The following HLA-DQA2 variants were observed in gnomAD, a reference collection of about 807,000 sequenced individuals.
HLA-DQA2 encodes the protein HLA class II histocompatibility antigen, DQ alpha 2 chain.
A neutral mutation model predicts 21.0 loss-of-function variants in HLA-DQA2; 17 were observed. That is an observed-to-expected ratio of 0.81 (90% confidence interval 0.56 to 1.22). HLA-DQA2 has a LOEUF of 1.22. Among genes scored for constraint, HLA-DQA2 ranks in the 50% most tolerant of loss-of-function variants. The pLI is 0.00. For missense variants in HLA-DQA2, 239 were observed against 308.8 expected (o/e 0.77, Z 1.69); for synonymous variants, 81 against 116.5 (o/e 0.70, Z 1.96).
chr6:32,745,402 C>T lies in HLA-DQA2; in HGVS notation c.326C>T (p.Thr109Ile), dbSNP rs1763503171. 1.2e-6 allele frequency: 2 copies of T among 1,611,366 alleles called. No individual in the cohort carries two copies. Among genetic ancestry groups the T allele is most frequent in the Admixed American group, 3.4e-5 (2 of 59,646 alleles). The change falls in exon 2 of 5, where the codon ACC (threonine) becomes ATC (isoleucine). Residue 109 changes from threonine (T) to isoleucine (I), a missense_variant. Transcript: ENST00000374940. The part of the protein sequence containing the change: ...MMRQSNSTAA[T>I]NEVPEVTVFS... ...AGACAGTCCAACTCTACCGCTGCCA[C>T]CAATGGTACGTGTCCACCATTCCGC... is the stretch of plus-strand genomic sequence containing the variant.
In HLA-DQA2 at chr6:32,746,926, G is replaced by T; in HGVS notation, c.*365G>T. 1 of 330,598 alleles carries T rather than the reference G, an allele frequency of 3.0e-6. No homozygotes were observed. The highest frequency in any genetic ancestry group is 6.0e-6 in the Non-Finnish European group (1 of 167,622). 20.5% of individuals were successfully genotyped at this position (330,598 alleles called of 1,614,324 possible). A position where few individuals can be genotyped will look rare whatever the true frequency, so the allele number is the denominator to read the frequency against. ...GAATTTTTCCCATCTTTCATCTCAG[G>T]GCTGACTGAGAGCATAACTTAGAAT... On this transcript the variant is annotated 3_prime_UTR_variant, in exon 5 of 5. Transcript: ENST00000374940.
chr6:32,747,035 A>G lies in HLA-DQA2; in HGVS notation c.*474A>G, dbSNP rs1763648372. 3 of 204,274 alleles carry G rather than the reference A, an allele frequency of 1.5e-5. No homozygotes were observed. Among genetic ancestry groups the G allele is most frequent in the African/African-American group, 7.0e-5 (3 of 42,774 alleles). 12.7% of individuals were successfully genotyped at this position (204,274 alleles called of 1,614,324 possible). ...CAGTAACACAGGAGCAACCAAGTACAGTGTATCCTGATAATTTGTTGATTT... is the reference window on the plus strand; with the variant it reads ...CAGTAACACAGGAGCAACCAAGTACGGTGTATCCTGATAATTTGTTGATTT... On this transcript the variant is annotated 3_prime_UTR_variant, in exon 5 of 5. Transcript: ENST00000374940.
intron 1 of HLA-DQA2, among the ~76,000 whole-genome samples, chr6:32,742,154 G>C (rs1428469026): frequency 2.0e-5 from 3 of 152,150 alleles, no homozygotes; most frequent in African/African-American, 7.2e-5. Flanking sequence ...AATAAAATGG[G>C]CATGTAGATA....
At position 32,745,384 on chromosome 6, in the gene HLA-DQA2, C is replaced by A. The variant is rs1294410134; in HGVS notation, c.308C>A (p.Ser103Tyr). 1 of 1,610,820 alleles carries A rather than the reference C, an allele frequency of 6.2e-7. No individual in the cohort carries two copies. The highest frequency in any genetic ancestry group is 8.5e-7 in the Non-Finnish European group (1 of 1,178,622). ...ACCTTGGAATTCATGATGAGACAGT[C>A]CAACTCTACCGCTGCCACCAATGGT... ...KHTLEFMMRQ[S>Y]NSTAATNEVP... Residue 103 changes from serine to tyrosine, a missense_variant, in exon 2 of 5, where the codon TCC becomes TAC. Coordinates refer to ENST00000374940, the MANE Select transcript of HLA-DQA2 (RefSeq NM_020056.5).
At chr6:32,746,103 T>C (rs1285900449) in intron 3 of HLA-DQA2, 31 bp downstream of exon 3, 1 of 1,612,364 alleles carries the variant, frequency 6.2e-7, no homozygotes, top group Non-Finnish European at 8.5e-7. Flanking sequence ...TTCATGGGTT[T>C]CTAATAATAG....
At position 32,745,370 on chromosome 6, in the gene HLA-DQA2, C is replaced by T; in HGVS notation, c.294C>T (p.Phe98=). 1 of 1,595,308 alleles carries T rather than the reference C, an allele frequency of 6.3e-7. No homozygotes were observed. Residue 98 remains phenylalanine, a synonymous_variant, in exon 2 of 5, where the codon TTC becomes TTT. Coordinates refer to ENST00000374940, the MANE Select transcript of HLA-DQA2 (RefSeq NM_020056.5). ...NMAVGKHTLE[F]MMRQSNSTAA... ...CTGTGGGAAAACACACCTTGGAATT[C>T]ATGATGAGACAGTCCAACTCTACCG...
rs968840113 is a variant in HLA-DQA2, at chr6:32,741,429, T to C, written c.-15T>C. The C allele has an allele frequency of 5.0e-6, 8 of 1,612,864 alleles. No individual in the cohort carries two copies. The highest frequency in any genetic ancestry group is 6.8e-6 in the Non-Finnish European group (8 of 1,179,764). On this transcript the variant is annotated 5_prime_UTR_variant, in exon 1 of 5. Transcript: ENST00000374940. Reference sequence around the variant, plus strand: ...AGCTCAGAGCAGCAACTGCTGAGGCTGCCTTGGGAAGAAGATGATCCTAAA... The same window carrying C: ...AGCTCAGAGCAGCAACTGCTGAGGCCGCCTTGGGAAGAAGATGATCCTAAA...
intron 4 of HLA-DQA2, 27 bp from the exon 5 acceptor site, chr6:32,746,555 A>G: frequency 4.5e-6 from 4 of 893,362 alleles, no homozygotes; most frequent in Non-Finnish European, 7.3e-6. Context: ...CCTCAGACCC[A>G]TCGATCTCAT....
intron 1 of HLA-DQA2, among the ~76,000 whole-genome samples, chr6:32,742,158 G>A: frequency 6.6e-6 from 1 of 152,196 alleles, no homozygotes; most frequent in East Asian, 1.9e-4. Context: ...AAATGGGCAT[G>A]TAGATATGCT....
chr6:32,744,840 A>ATTCC (rs1372466079), intron 1 of HLA-DQA2, among the ~76,000 whole-genome samples: 3 of 146,354 alleles, frequency 2.0e-5, no homozygotes, highest in South Asian at 2.2e-4. Flanking sequence ...ATGATAACTC[A>ATTCC]TTCATTCCTT....
Position 32,741,467 on chromosome 6 carries a change from G to A in HLA-DQA2, c.24G>A (p.Leu8=). The change falls in exon 1 of 5, where the codon CTG becomes CTA. Residue 8 remains leucine (L), a synonymous_variant. Coordinates refer to ENST00000374940, the MANE Select transcript of HLA-DQA2 (RefSeq NM_020056.5). MILNKAL[L]LGALALTAVM... ...AGATGATCCTAAACAAAGCTCTGCT[G>A]CTGGGGGCCCTCGCCCTGACTGCCG... 1 of 1,614,048 alleles carries A rather than the reference G, an allele frequency of 6.2e-7. No homozygotes were observed.
chr6:32,745,835 G>T lies in HLA-DQA2; in HGVS notation c.376G>T (p.Gly126Cys). Residue 126 changes from glycine to cysteine, a missense_variant, in exon 3 of 5, where the codon GGT (glycine) becomes TGT (cysteine). Physicochemically the swap from Gly to Cys is radical, Grantham distance 159 (BLOSUM62 -3). Coordinates refer to ENST00000374940, the MANE Select transcript of HLA-DQA2 (RefSeq NM_020056.5). ...TVFSKFPVTL[G>C]QPNTLICLVD... ...GTTTTCCAAGTTTCCTGTGACGCTG[G>T]GTCAGCCCAACACCCTCATCTGTCT... The T allele has an allele frequency of 6.2e-7, 1 of 1,613,090 alleles. No homozygotes were observed. The highest frequency in any genetic ancestry group is 8.5e-7 in the Non-Finnish European group (1 of 1,180,042).
chr6:32,746,589 A>G lies in HLA-DQA2; in HGVS notation c.*28A>G, dbSNP rs1582343173. ...ATGTCTGTCCTGTTGCAGGTGCATC[A>G]CCATCTACAGGAGAAGAAGAATGGA... is the stretch of plus-strand genomic sequence containing the variant. On this transcript the variant is annotated 3_prime_UTR_variant, in exon 5 of 5. Coordinates refer to ENST00000374940, the MANE Select transcript of HLA-DQA2 (RefSeq NM_020056.5). 16 of 744,308 alleles carry G rather than the reference A, an allele frequency of 2.1e-5. No homozygotes were observed. Among genetic ancestry groups the G allele is most frequent in the Middle Eastern group, 2.2e-4 (1 of 4,450 alleles). The allele number at this position is 744,308 out of a possible 1,614,324, so 46.1% of individuals were successfully genotyped here. A position where few individuals can be genotyped will look rare whatever the true frequency, so the allele number is the denominator to read the frequency against.
rs17219750 is a variant in HLA-DQA2, at chr6:32,746,097, T to C, written c.613+25T>C. On this transcript the variant is annotated intron_variant, in intron 3 of 4. Coordinates refer to ENST00000374940, the MANE Select transcript of HLA-DQA2 (RefSeq NM_020056.5). ...GGTAAGGATGAGTTCCACCACTTCATGGGTTTCTAATAATAGACTTCACTC... is the reference window on the plus strand; with the variant it reads ...GGTAAGGATGAGTTCCACCACTTCACGGGTTTCTAATAATAGACTTCACTC... 13,714 of 1,609,994 alleles carry C rather than the reference T, an allele frequency of 8.5e-3. 87 individuals carry two copies. The highest frequency in any genetic ancestry group is 9.6e-3 in the Middle Eastern group (58 of 6,056).
chr6:32,744,544 C>T (rs551875727), intron 1 of HLA-DQA2, among the ~76,000 whole-genome samples: 1 of 152,010 alleles, frequency 6.6e-6, no homozygotes, highest in Admixed American at 6.5e-5. Flanking sequence ...AAAACAGAGA[C>T]CTTAGAAGAA....
In HLA-DQA2 at chr6:32,745,334, G is replaced by A; in HGVS notation, c.258G>A (p.Leu86=). The stretch of plus-strand genomic sequence containing the variant: ...TAAGTTTTGACCCGCAGAGTGCACT[G>A]AGAAATATGGCTGTGGGAAAACACA... ...KFISFDPQSA[L]RNMAVGKHTL... Residue 86 remains leucine, a synonymous_variant, in exon 2 of 5, where the codon CTG becomes CTA. Transcript: ENST00000374940. 4.4e-6 allele frequency: 7 copies of A among 1,588,942 alleles called. No individual in the cohort carries two copies. Among genetic ancestry groups the A allele is most frequent in the Non-Finnish European group, 6.0e-6 (7 of 1,166,898 alleles).
At chr6:32,741,762 A>T (rs950670904) in intron 1 of HLA-DQA2, among the ~76,000 whole-genome samples, 2 of 152,130 alleles carry the variant, frequency 1.3e-5, no homozygotes, top group Non-Finnish European at 2.9e-5. Flanking sequence ...ATATCCAGAG[A>T]CTATAGCCTG....
At chr6:32,742,788 T>G (rs1483422805) in intron 1 of HLA-DQA2, among the ~76,000 whole-genome samples, 1 of 151,942 alleles carries the variant, frequency 6.6e-6, no homozygotes, top group Non-Finnish European at 1.5e-5. Context: ...CCCTCCAAAC[T>G]GTAAAGCTAC....
intron 3 of HLA-DQA2, 30 bp downstream of exon 3, chr6:32,746,102 T>C: frequency 6.7e-7 from 1 of 1,482,934 alleles, no homozygotes; most frequent in Non-Finnish European, 9.1e-7. Context: ...CTTCATGGGT[T>C]TCTAATAATA....
Sources: allele counts gnomAD v4.1 joint callset (sites outside exome capture counted in the v4.1 genomes callset), GRCh38; gene constraint gnomAD v4.1.1; transcripts MANE v1.5; gene names NCBI Gene and HGNC (gene_info 2026-07-23, HGNC 2026-07-21).